The following STX12 variants were observed in gnomAD, a reference collection of about 807,000 sequenced individuals.
The protein encoded by STX12 is syntaxin 12.
A neutral mutation model predicts 42.2 loss-of-function variants in STX12; 17 were observed. The ratio of observed to expected loss-of-function variants is 0.40; its 90% confidence interval spans 0.28 to 0.60. The LOEUF (loss-of-function observed/expected upper bound fraction) is 0.60. Among genes scored for constraint, STX12 ranks in the 20% least tolerant of loss-of-function variants. The probability of loss-of-function intolerance (pLI) is 0.39; values close to 1 mark genes in which losing one functional copy is unlikely to be tolerated. For synonymous variants in STX12, 108 were observed against 116.7 expected, an observed-to-expected ratio of 0.93 and a Z score of 0.48; for missense variants, 297 against 330.9, an observed-to-expected ratio of 0.90 and a Z score of 0.79.
chr1:27,792,505 G>C (rs951210251), intron 2 of STX12, among the ~76,000 whole-genome samples: 3 of 151,304 alleles, frequency 2.0e-5, no homozygotes, highest in Non-Finnish European at 4.4e-5. Context: ...CCACTGATTG[G>C]GTACCTCTTG....
rs1217334747 is a variant in STX12 at position 27,812,055 on chromosome 1, G to A, written c.471-108G>A. ...ACTTTATTGATAGCAGAGGACTGGAGCCCTGGTAATGTCTTTGCATAGGTT... is the reference window on the plus strand; with the variant it reads ...ACTTTATTGATAGCAGAGGACTGGAACCCTGGTAATGTCTTTGCATAGGTT... On this transcript the variant is annotated intron_variant, in intron 5 of 8. Coordinates refer to ENST00000373943, the MANE Select transcript of STX12 (RefSeq NM_177424.3). 18 of 875,042 alleles carry A rather than the reference G, an allele frequency of 2.1e-5. No individual in the cohort carries two copies. The East Asian group carries it at 4.6e-4, about 22-fold the overall frequency. The allele number at this position is 875,042 out of a possible 1,614,324, so 54.2% of individuals were successfully genotyped here. A position where few individuals can be genotyped will look rare whatever the true frequency, so the allele number is the denominator to read the frequency against.
At chr1:27,776,159 G>A (rs1454329998) in intron 1 of STX12, among the ~76,000 whole-genome samples, 1 of 152,182 alleles carries the variant, frequency 6.6e-6, no homozygotes, top group Non-Finnish European at 1.5e-5. Flanking sequence ...TTGGGCCTCA[G>A]GGGATCATTT....
At chr1:27,804,976 G>A (rs1391683774) in intron 4 of STX12, among the ~76,000 whole-genome samples, 1 of 152,090 alleles carries the variant, frequency 6.6e-6, no homozygotes, top group Non-Finnish European at 1.5e-5. Flanking sequence ...CTCTTCACAG[G>A]ACCGCAGGAG....
At chr1:27,775,531 G>A (rs541127218) in intron 1 of STX12, among the ~76,000 whole-genome samples, 6 of 152,228 alleles carry the variant, frequency 3.9e-5, no homozygotes, top group Non-Finnish European at 5.9e-5. Context: ...CTTGGCCTCC[G>A]AATAGGCCAG....
At chr1:27,819,882 AT>A (rs2148608871) in intron 8 of STX12, 150 bp downstream of exon 8, 1 of 589,922 alleles carries the variant, frequency 1.7e-6, no homozygotes, top group East Asian at 3.0e-5. Context: ...CATTTTTATT[AT>A]TTTCCTTTGC....
At chr1:27,787,591 G>A (rs1351884581) in intron 1 of STX12, among the ~76,000 whole-genome samples, 8 of 152,048 alleles carry the variant, frequency 5.3e-5, no homozygotes, top group African/African-American at 9.6e-5. Flanking sequence ...CCTGGGAGTC[G>A]GAGGTTGCAG....
Position 27,822,317 on chromosome 1 carries a change from TA to T in STX12, c.823del (p.Thr275ArgfsTer11). On this transcript the variant is annotated frameshift_variant, in exon 9 of 9. Coordinates refer to ENST00000373943, the MANE Select transcript of STX12 (RefSeq NM_177424.3). LOFTEE classifies it high-confidence loss of function. Reference protein sequence around the residue: ...ILGLIIWLVYKTK With the variant: ...ILGLIIWLVYXTK ...TGGGACTTATTATCTGGCTAGTTTA[TA>T]AAACGAAGTGATTGCCTCCGATCGT... The T allele has an allele frequency of 6.2e-7, 1 of 1,608,780 alleles. No homozygotes were observed. The highest frequency in any genetic ancestry group is 8.5e-7 in the Non-Finnish European group (1 of 1,175,134).
intron 4 of STX12, among the ~76,000 whole-genome samples, chr1:27,804,697 G>T (rs1056897856): frequency 2.6e-5 from 4 of 151,698 alleles, no homozygotes; most frequent in African/African-American, 9.7e-5. Context: ...TATAATCCCA[G>T]CTACTCAGGA....
Position 27,792,173 on chromosome 1 carries a change from CATATATATGTATCTA to C in STX12, c.189-1359_189-1345del, listed in dbSNP as rs1557800967. 3.8e-4 allele frequency among the ~76,000 whole-genome samples: 43 copies of C among 111,980 alleles called. 2 individuals are homozygous for C. The highest frequency in any genetic ancestry group is 2.1e-3 in the African/African-American group (42 of 20,142). The allele number at this position is 111,980 out of a possible 152,430, so 73.5% of individuals were successfully genotyped here. ...ATATGTGTATCTATATATGTATATACATATATATGTATCTATATATGTATATACATATATATGTAT... is the reference window on the plus strand; with the variant it reads ...ATATGTGTATCTATATATGTATATACTATATGTATATACATATATATGTAT... On this transcript the variant is annotated intron_variant, in intron 2 of 8. Coordinates refer to ENST00000373943, the MANE Select transcript of STX12 (RefSeq NM_177424.3).
chr1:27,795,486 A>T (rs920831759), intron 3 of STX12, among the ~76,000 whole-genome samples: 1 of 151,956 alleles, frequency 6.6e-6, no homozygotes, highest in Non-Finnish European at 1.5e-5. Flanking sequence ...TTGTATTTTT[A>T]GTAGAGATGG....
chr1:27,773,444 C>G lies in STX12; in HGVS notation c.118+19C>G. Reference sequence around the variant, plus strand: ...CAAGCCAGTGAGCCGGGGTACCGAGCTGGGGGGCGGGAGCTGTCCCGGGGA... The same window carrying G: ...CAAGCCAGTGAGCCGGGGTACCGAGGTGGGGGGCGGGAGCTGTCCCGGGGA... On this transcript the variant is annotated intron_variant, in intron 1 of 8. Coordinates refer to ENST00000373943, the MANE Select transcript of STX12 (RefSeq NM_177424.3). The G allele has an allele frequency of 6.2e-7, 1 of 1,610,058 alleles. No homozygotes were observed.
chr1:27,815,232 G>GT (rs2088933362), intron 6 of STX12, among the ~76,000 whole-genome samples: 1 of 152,186 alleles, frequency 6.6e-6, no homozygotes, highest in Non-Finnish European at 1.5e-5. Flanking sequence ...CGAATGTACC[G>GT]TTATAGCAAA....
intron 3 of STX12, among the ~76,000 whole-genome samples, chr1:27,797,074 T>C (rs2088791277): frequency 2.0e-5 from 3 of 151,806 alleles, no homozygotes; most frequent in Admixed American, 2.0e-4. Flanking sequence ...TGGAGTGCAG[T>C]GGCGTGATCT....
intron 8 of STX12, among the ~76,000 whole-genome samples, chr1:27,821,744 C>T (rs748304336): frequency 1.3e-5 from 2 of 152,094 alleles, no homozygotes; most frequent in African/African-American, 2.4e-5. Flanking sequence ...CGGCTGGGTG[C>T]GGTGGCCCAC....
At chr1:27,792,494 G>A (rs1014209253) in intron 2 of STX12, among the ~76,000 whole-genome samples, 10 of 151,588 alleles carry the variant, frequency 6.6e-5, no homozygotes, top group African/African-American at 2.4e-4. Flanking sequence ...GGATGTTCAA[G>A]CCACTGATTG....
At chr1:27,773,658 A>T (rs570103632) in intron 1 of STX12, among the ~76,000 whole-genome samples, 2 of 152,132 alleles carry the variant, frequency 1.3e-5, no homozygotes, top group East Asian at 3.9e-4. Context: ...TTCTGCCCCC[A>T]CGGTGCTGGG....
chr1:27,789,509 C>T, intron 1 of STX12, 53 bp from the exon 2 acceptor site: 1 of 1,373,826 alleles, frequency 7.3e-7, no homozygotes, highest in Non-Finnish European at 1.0e-6. Context: ...GTAGGGTACT[C>T]ATGATGAATG....
chr1:27,820,915 AT>A (rs2088979048), intron 8 of STX12, among the ~76,000 whole-genome samples: 1 of 151,798 alleles, frequency 6.6e-6, no homozygotes, highest in South Asian at 2.1e-4. Flanking sequence ...TCAGTAAACT[AT>A]TGCAAGAACA....
At chr1:27,805,273 T>C (rs1478264734) in intron 4 of STX12, among the ~76,000 whole-genome samples, 2 of 152,216 alleles carry the variant, frequency 1.3e-5, no homozygotes, top group African/African-American at 4.8e-5. Context: ...TTTAGATGTT[T>C]GTTTATTCAT....
Sources: allele counts gnomAD v4.1 joint callset (sites outside exome capture counted in the v4.1 genomes callset), GRCh38; gene constraint gnomAD v4.1.1; transcripts MANE v1.5; gene names NCBI Gene and HGNC (gene_info 2026-07-23, HGNC 2026-07-21).